Variants in HRH1 observed in about 807,000 individuals in gnomAD.
HRH1 encodes the protein histamine H1 receptor.
In HRH1, 6 loss-of-function variants were observed where a neutral mutation model predicts 10.3. The ratio of observed to expected loss-of-function variants is 0.58; its 90% CI spans 0.32 to 1.15. The LOEUF (loss-of-function observed/expected upper bound fraction) is 1.15. Among genes scored for constraint, HRH1 ranks in the 50% most tolerant of loss-of-function variants. HRH1 has a pLI of 0.05. For missense variants in HRH1, 514 were observed against 615.3 expected (o/e 0.84, Z 1.74); for synonymous variants, 242 against 236.7 (o/e 1.02, Z -0.21).
Position 11,161,428 on chromosome 3 carries a change from C to T in HRH1, c.-36+6874C>T, listed in dbSNP as rs534372852. Among the ~76,000 whole-genome samples, 8 of 152,312 alleles carry T rather than the reference C, an allele frequency of 5.3e-5. No homozygotes were observed. In the East Asian group the frequency reaches 1.5e-3, roughly 29 times the overall value. ...AATAAGTACATCCTGCTGCCCCTTG[C>T]CCTCGGCCCAGGTGAGGCACAATTC... On this transcript the variant is annotated intron_variant, in intron 1 of 1. Transcript: ENST00000431010.
At chr3:11,146,949 G>A (rs1241037941) in intron 1 of HRH1, among the ~76,000 whole-genome samples, 1 of 152,214 alleles carries the variant, frequency 6.6e-6, no homozygotes, top group Non-Finnish European at 1.5e-5. Flanking sequence ...AGATAGGAAT[G>A]AAGATGTGTC....
intron 1 of HRH1, among the ~76,000 whole-genome samples, chr3:11,204,886 C>T (rs2125029888): frequency 6.6e-6 from 1 of 152,288 alleles, no homozygotes; most frequent in Non-Finnish European, 1.5e-5. Context: ...GCGCCTGGCC[C>T]CTCCTTTCCC....
chr3:11,221,554 C>CA (rs570590181), intron 1 of HRH1, among the ~76,000 whole-genome samples: 224 of 129,688 alleles, frequency 1.7e-3, no homozygotes, highest in South Asian at 7.2e-3. Context: ...GACTCCATCT[C>CA]AAAAAAAAAA....
intron 1 of HRH1, among the ~76,000 whole-genome samples, chr3:11,194,885 G>A (rs1325754100): frequency 6.6e-6 from 1 of 152,218 alleles, no homozygotes; most frequent in Non-Finnish European, 1.5e-5. Flanking sequence ...TAAAAGCTGT[G>A]AAATTGCCAG....
At chr3:11,242,558 G>A (rs1350669021) in intron 1 of HRH1, among the ~76,000 whole-genome samples, 2 of 145,354 alleles carry the variant, frequency 1.4e-5, no homozygotes, top group Admixed American at 6.9e-5. Flanking sequence ...TGAAGTCAGC[G>A]ACACCAGGAA....
At chr3:11,174,458 C>G (rs1937212586) in intron 1 of HRH1, among the ~76,000 whole-genome samples, 1 of 152,166 alleles carries the variant, frequency 6.6e-6, no homozygotes, top group African/African-American at 2.4e-5. Context: ...CAAAGTCTTT[C>G]TGGGGTCTCT....
At chr3:11,141,550 G>C (rs1335092752) in intron 1 of HRH1, among the ~76,000 whole-genome samples, 1 of 152,198 alleles carries the variant, frequency 6.6e-6, no homozygotes. Context: ...CATGTCCCAA[G>C]TTGATGCTGG....
In HRH1 at chr3:11,259,776, G is replaced by C; in HGVS notation, c.739G>C (p.Asp247His). 1 of 1,614,022 alleles carries C rather than the reference G, an allele frequency of 6.2e-7. No homozygotes were observed. Among genetic ancestry groups the C allele is most frequent in the Non-Finnish European group, 8.5e-7 (1 of 1,180,024 alleles). Residue 247 changes from aspartate (D) to histidine (H), a missense_variant, in exon 2 of 2, where the codon GAT becomes CAT. By Grantham distance (81) the Asp-to-His change is moderately conservative. Coordinates refer to ENST00000431010, the MANE Select transcript of HRH1 (RefSeq NM_001098212.2). The surrounding 1 kb of genome is among the most constrained non-coding windows in gnomAD (Gnocchi z 4.6). The stretch of plus-strand genomic sequence containing the variant: ...GCTGAGGCCAGAGAACCCCAAGGGG[G>C]ATGCCAAGAAACCAGGGAAGGAGTC... The part of the protein sequence containing the change: ...IKLRPENPKG[D>H]AKKPGKESPW...
intron 1 of HRH1, among the ~76,000 whole-genome samples, chr3:11,141,241 C>A (rs533701093): frequency 6.6e-6 from 1 of 152,156 alleles, no homozygotes; most frequent in Admixed American, 6.5e-5. Context: ...AATAAACTTA[C>A]CTATCTCACA....
intron 1 of HRH1, among the ~76,000 whole-genome samples, chr3:11,198,333 C>G (rs972055927): frequency 3.3e-5 from 5 of 152,140 alleles, no homozygotes; most frequent in African/African-American, 1.2e-4. Flanking sequence ...CAATTCCCGA[C>G]GCTCTTAACA....
rs1287519058 is a variant in HRH1 at position 11,200,204 on chromosome 3, T to C, written c.-36+45650T>C. Among the ~76,000 whole-genome samples, 4 of 152,246 alleles carry C rather than the reference T, an allele frequency of 2.6e-5. No homozygotes were observed. The East Asian group carries it at 7.7e-4, about 29-fold the overall frequency. On this transcript the variant is annotated intron_variant, in intron 1 of 1. Coordinates refer to ENST00000431010, the MANE Select transcript of HRH1 (RefSeq NM_001098212.2). Reference sequence around the variant, plus strand: ...ATGCAGAGAATGGCAGAACCAAAGATGGAAAGGATAGGAGTCCCTGATGAT... The same window carrying C: ...ATGCAGAGAATGGCAGAACCAAAGACGGAAAGGATAGGAGTCCCTGATGAT...
chr3:11,203,818 G>C (rs529028456), intron 1 of HRH1, among the ~76,000 whole-genome samples: 1 of 152,208 alleles, frequency 6.6e-6, no homozygotes, highest in Admixed American at 6.5e-5. Flanking sequence ...TATTGTGTTG[G>C]TTATTCTGGG....
At chr3:11,168,543 C>T (rs182298642) in intron 1 of HRH1, among the ~76,000 whole-genome samples, 63 of 152,280 alleles carry the variant, frequency 4.1e-4, no homozygotes, top group Admixed American at 2.4e-3. Flanking sequence ...CTCTCTGATG[C>T]GCTCGCCCCA....
chr3:11,220,961 A>G (rs750115547), intron 1 of HRH1, among the ~76,000 whole-genome samples: 27 of 152,196 alleles, frequency 1.8e-4, no homozygotes, highest in Non-Finnish European at 3.7e-4. Flanking sequence ...CAATTCTTTA[A>G]CTGAGATGAG....
At position 11,177,163 on chromosome 3, in the gene HRH1, G is replaced by A. The variant is rs555758244; in HGVS notation, c.-36+22609G>A. Among the ~76,000 whole-genome samples the A allele has an allele frequency of 4.6e-5, 7 of 151,930 alleles. No homozygotes were observed. In the South Asian group the frequency reaches 1.5e-3, roughly 32 times the overall value. The stretch of plus-strand genomic sequence containing the variant: ...CTCCTATAATCCCAGCATTCAGGGA[G>A]GCCAAGTAAGGTGGGAGGATTGCTT... On this transcript the variant is annotated intron_variant, in intron 1 of 1. Coordinates refer to ENST00000431010, the MANE Select transcript of HRH1 (RefSeq NM_001098212.2).
chr3:11,255,165 T>C (rs1356790784), intron 1 of HRH1, among the ~76,000 whole-genome samples: 2 of 152,144 alleles, frequency 1.3e-5, no homozygotes, highest in African/African-American at 4.8e-5. Flanking sequence ...GAGGAATTTA[T>C]CATCTCTGAC....
At chr3:11,197,153 G>T (rs1224977304) in intron 1 of HRH1, among the ~76,000 whole-genome samples, 1 of 151,328 alleles carries the variant, frequency 6.6e-6, no homozygotes, top group Non-Finnish European at 1.5e-5. Flanking sequence ...AGAATCTCAG[G>T]CTGGCCCAGC....
chr3:11,206,863 G>C (rs1306129969), intron 1 of HRH1, among the ~76,000 whole-genome samples: 1 of 152,200 alleles, frequency 6.6e-6, no homozygotes, highest in Non-Finnish European at 1.5e-5. Context: ...CTGTGGAAAG[G>C]GACAGACAAG....
At chr3:11,158,147 G>T (rs1018606530) in intron 1 of HRH1, among the ~76,000 whole-genome samples, 10 of 152,206 alleles carry the variant, frequency 6.6e-5, no homozygotes, top group Non-Finnish European at 1.3e-4. Context: ...TTGCTGTGAG[G>T]TCTGAATGAA....
Sources: allele counts gnomAD v4.1 joint callset (sites outside exome capture counted in the v4.1 genomes callset), GRCh38; gene constraint gnomAD v4.1.1; non-coding constraint Gnocchi (gnomAD v3.1); transcripts MANE v1.5; gene names NCBI Gene and HGNC (gene_info 2026-07-23, HGNC 2026-07-21).